The following GTF2H3 variants were observed in gnomAD, a reference collection of about 807,000 sequenced individuals.
GTF2H3 encodes general transcription factor IIH subunit 3.
A neutral mutation model predicts 51.1 loss-of-function variants in GTF2H3; 42 were observed. The observed-to-expected ratio is 0.82, with a 90% CI of 0.64 to 1.06. The LOEUF (loss-of-function observed/expected upper bound fraction) is 1.06. Among genes scored for constraint, GTF2H3 ranks in the 50% least tolerant of loss-of-function variants. GTF2H3 has a pLI of 0.00. For synonymous variants in GTF2H3, 123 were observed against 123.8 expected, an observed-to-expected ratio of 0.99 and a Z score of 0.04; for missense variants, 326 against 366.1, an observed-to-expected ratio of 0.89 and a Z score of 0.89.
intron 3 of GTF2H3, 77 bp from the exon 4 acceptor site, chr12:123,647,886 C>A: frequency 2.1e-6 from 2 of 967,226 alleles, no homozygotes; most frequent in Non-Finnish European, 2.9e-6. Flanking sequence ...GTTGCCTCTG[C>A]TGAATTTCAT....
chr12:123,657,706 T>C (rs1164557816), intron 9 of GTF2H3, among the ~76,000 whole-genome samples: 1 of 152,254 alleles, frequency 6.6e-6, no homozygotes, highest in Non-Finnish European at 1.5e-5. Flanking sequence ...TTCATGAGGA[T>C]GGACACTGTG....
At chr12:123,646,811 T>C (rs1416121840) in intron 3 of GTF2H3, among the ~76,000 whole-genome samples, 2 of 151,636 alleles carry the variant, frequency 1.3e-5, no homozygotes, top group Non-Finnish European at 2.9e-5. Flanking sequence ...CAAAGTTTTT[T>C]TTTTTTTTTT....
At chr12:123,651,447 G>A (rs1347233705) in intron 5 of GTF2H3, among the ~76,000 whole-genome samples, 1 of 152,052 alleles carries the variant, frequency 6.6e-6, no homozygotes, top group African/African-American at 2.4e-5. Context: ...CTGACTTCAA[G>A]TGATCCACCC....
rs368441547 is a variant in GTF2H3, at chr12:123,639,515, A to C, written c.93+172A>C. On this transcript the variant is annotated intron_variant, in intron 2 of 12. Transcript: ENST00000543341. ...TGCGAAGTTGTGTAACCAGCCCCAC[A>C]TTTCTGCTTTAGAATATTTCTTTGA... 1.8e-4 allele frequency among the ~76,000 whole-genome samples: 28 copies of C among 152,216 alleles called. No individual in the cohort carries two copies. The South Asian group carries it at 4.8e-3, about 26-fold the overall frequency.
intron 5 of GTF2H3, 153 bp downstream of exon 5, chr12:123,651,209 T>C (rs1340289040): frequency 1.8e-6 from 1 of 556,506 alleles, no homozygotes; most frequent in African/African-American, 1.9e-5. Flanking sequence ...TACATTGGCT[T>C]TGAATTTTTT....
chr12:123,648,271 A>G (rs1955476691), intron 4 of GTF2H3, 145 bp downstream of exon 4: 1 of 575,860 alleles, frequency 1.7e-6, no homozygotes, highest in African/African-American at 1.9e-5. Context: ...AAGTTGGTTC[A>G]TTATTTGCCT....
Position 123,633,883 on chromosome 12 carries a change from T to C in GTF2H3, c.13+11T>C. ...CCATGGTTTCAGACGGTGAGGACCC[T>C]GCAGGGCGGGACTTCGACTCCGGGG... On this transcript the variant is annotated intron_variant, in intron 1 of 12. Transcript: ENST00000543341. 6.2e-7 allele frequency: 1 copy of C among 1,613,352 alleles called. No individual in the cohort carries two copies. The highest frequency in any genetic ancestry group is 8.5e-7 in the Non-Finnish European group (1 of 1,179,914).
intron 3 of GTF2H3, among the ~76,000 whole-genome samples, chr12:123,647,197 C>T (rs944323933): frequency 5.4e-5 from 8 of 149,324 alleles, no homozygotes; most frequent in East Asian, 2.0e-4. Context: ...AGGCCGGGCT[C>T]GGTGGCTCAC....
chr12:123,644,417 C>T (rs1002792534), intron 2 of GTF2H3, among the ~76,000 whole-genome samples: 6 of 152,144 alleles, frequency 3.9e-5, no homozygotes, highest in East Asian at 3.9e-4. Flanking sequence ...CCTGTAATCC[C>T]GGCACTTTGG....
intron 9 of GTF2H3, among the ~76,000 whole-genome samples, chr12:123,658,603 A>AT (rs1315548979): frequency 3.3e-5 from 5 of 152,194 alleles, no homozygotes; most frequent in African/African-American, 1.2e-4. Context: ...AAGTGCTGGG[A>AT]TTACAGGCAT....
chr12:123,640,005 C>T (rs1355420479), intron 2 of GTF2H3: 4 of 455,176 alleles, frequency 8.8e-6, no homozygotes, highest in African/African-American at 4.0e-5. Context: ...ACTACAGGTG[C>T]GTACCACCAT....
intron 3 of GTF2H3, among the ~76,000 whole-genome samples, chr12:123,647,582 A>G (rs1229758942): frequency 6.6e-6 from 1 of 152,148 alleles, no homozygotes; most frequent in Non-Finnish European, 1.5e-5. Context: ...GTAGTGAGTT[A>G]GAATTTGGTA....
rs748453785 is a variant in GTF2H3, at chr12:123,659,564, T to C, written c.664T>C (p.Ser222Pro). Residue 222 changes from serine to proline, a missense_variant, in exon 10 of 13, where the codon TCT becomes CCT. Physicochemically the swap from Ser to Pro is moderately conservative, Grantham distance 74. Transcript: ENST00000543341. ...GTACCTGAAGGTGCCTCAGATGCCT[T>C]CTCTTCTGCAGTATTTGCTGGTAAG... ...GLYLKVPQMP[S>P]LLQYLLWVFL... The C allele has an allele frequency of 1.2e-5, 20 of 1,613,842 alleles. No homozygotes were observed. The Admixed American group carries it at 1.8e-4, about 15-fold the overall frequency.
In GTF2H3 at chr12:123,659,926, G is replaced by C; in HGVS notation, c.816G>C (p.Leu272Phe). The change falls in exon 11 of 13, where the codon TTG (leucine) becomes TTC (phenylalanine). Residue 272 changes from leucine (L) to phenylalanine (F), a missense_variant. Coordinates refer to ENST00000543341, the MANE Select transcript of GTF2H3 (RefSeq NM_001516.5). ...IEIGYVCSVC[L>F]SIFCNFSPIC... ...TTGGTTATGTCTGTTCTGTGTGTTTGTCAAGTAAGTTAATGTACCTAGTTT... is the reference window on the plus strand; with the variant it reads ...TTGGTTATGTCTGTTCTGTGTGTTTCTCAAGTAAGTTAATGTACCTAGTTT... 1 of 1,612,780 alleles carries C rather than the reference G, an allele frequency of 6.2e-7. No homozygotes were observed. Among genetic ancestry groups the C allele is most frequent in the Admixed American group, 1.7e-5 (1 of 59,810 alleles).
At chr12:123,641,517 G>A (rs11057313) in intron 2 of GTF2H3, among the ~76,000 whole-genome samples, 19,285 of 147,614 alleles carry the variant, frequency 0.13, 2,643 homozygotes, top group African/African-American at 0.35. Flanking sequence ...TGAGCCACGT[G>A]TCTGCCCCCG....
At position 123,652,726 on chromosome 12, in the gene GTF2H3, A is replaced by G. The variant is rs139849238; in HGVS notation, c.477A>G (p.Ser159=). Residue 159 remains serine, a synonymous_variant, in exon 7 of 13, where the codon TCA becomes TCG. Coordinates refer to ENST00000543341, the MANE Select transcript of GTF2H3 (RefSeq NM_001516.5). The part of the protein sequence containing the change: ...KEVKDNQEMK[S]RILVIKAAED... ...TTGTAGACAATCAGGAAATGAAATC[A>G]AGGATATTGGTAAGATAAAAAAATC... is the stretch of plus-strand genomic sequence containing the variant. 1 of 1,506,460 alleles carries G rather than the reference A, an allele frequency of 6.6e-7. No individual in the cohort carries two copies. The allele number at this position is 1,506,460 out of a possible 1,614,324, so 93.3% of individuals were successfully genotyped here.
chr12:123,657,838 G>A (rs11572997), intron 9 of GTF2H3, among the ~76,000 whole-genome samples: 4 of 152,186 alleles, frequency 2.6e-5, no homozygotes, highest in Non-Finnish European at 5.9e-5. Flanking sequence ...TAGGATCGGA[G>A]CTAGGGTTTT....
intron 9 of GTF2H3, 83 bp downstream of exon 9, chr12:123,655,907 T>C (rs1267406478): frequency 2.4e-6 from 2 of 834,520 alleles, no homozygotes; most frequent in Admixed American, 2.1e-5. Context: ...ATGAAAGCTT[T>C]GGGTATATTG....
intron 7 of GTF2H3, among the ~76,000 whole-genome samples, chr12:123,654,329 G>A (rs1478580929): frequency 2.0e-5 from 3 of 151,384 alleles, no homozygotes; most frequent in Non-Finnish European, 2.9e-5. Flanking sequence ...GGTTGTGTGT[G>A]TGTGTTGGGT....
Sources: gnomAD v4.1 joint callset for allele counts (sites outside exome capture counted in the v4.1 genomes callset) on GRCh38, gnomAD v4.1.1 for gene constraint, MANE v1.5 for transcripts, NCBI Gene and HGNC (gene_info 2026-07-23, HGNC 2026-07-21) for gene names.